The following SLC66A2 variants were observed in gnomAD, a reference collection of about 807,000 sequenced individuals.
The protein encoded by SLC66A2 is solute carrier family 66 member 2, also known as PQ loop repeat containing 1.
A neutral mutation model predicts 25.5 loss-of-function variants in SLC66A2; 23 were observed. The observed-to-expected ratio is 0.90, with a 90% confidence interval of 0.65 to 1.28. The LOEUF is 1.28. Among genes scored for constraint, SLC66A2 ranks in the 50% most tolerant of loss-of-function variants. SLC66A2 has a pLI of 0.00. For synonymous variants in SLC66A2, 193 were observed against 166.5 expected (o/e 1.16, Z -1.23); for missense variants, 396 against 373.1 (o/e 1.06, Z -0.51).
rs1568286126 is a variant in SLC66A2, at chr18:79,904,754, C to T, written c.609-571G>A. Reference sequence around the variant, plus strand: ...TTTCCTGGAGTGAACAGGGAGCAGCCGCCACCCACCATCCCAGTCCGAACA... The same window carrying T: ...TTTCCTGGAGTGAACAGGGAGCAGCTGCCACCCACCATCCCAGTCCGAACA... On this transcript the variant is annotated intron_variant, in intron 5 of 5. Coordinates refer to ENST00000397778, the MANE Select transcript of SLC66A2 (RefSeq NM_025078.5). The surrounding 1 kb of genome is among the most constrained non-coding windows in gnomAD (Gnocchi z 6.3). Among the ~76,000 whole-genome samples, 1 of 152,158 alleles carries T rather than the reference C, an allele frequency of 6.6e-6. No homozygotes were observed. Among genetic ancestry groups the T allele is most frequent in the Non-Finnish European group, 1.5e-5 (1 of 68,028 alleles).
chr18:79,903,162 G>A lies in SLC66A2; in HGVS notation c.*814C>T, dbSNP rs1981479129. On this transcript the variant is annotated 3_prime_UTR_variant, in exon 6 of 6. Transcript: ENST00000397778. Reference sequence around the variant, plus strand: ...TCTCCGCCAGCAGAGCCCAAGAGTGGCGTGCAGACTGCATGTGCACAGCCT... The same window carrying A: ...TCTCCGCCAGCAGAGCCCAAGAGTGACGTGCAGACTGCATGTGCACAGCCT... 6.6e-6 allele frequency: 1 copy of A among 152,348 alleles called. No individual in the cohort carries two copies. The highest frequency in any genetic ancestry group is 6.5e-5 in the Admixed American group (1 of 15,288). The allele number at this position is 152,348 out of a possible 1,614,324, so 9.4% of individuals were successfully genotyped here.
chr18:79,904,294 C>G lies in SLC66A2; in HGVS notation c.609-111G>C. ...GGGAGACCTGGGGCTCAGGGGCACC[C>G]AGGGGGCTAAGGGGACCCCCAGGCA... is the stretch of plus-strand genomic sequence containing the variant. On this transcript the variant is annotated intron_variant, in intron 5 of 5. Transcript: ENST00000397778. This position sits in a 1 kb window ranked among gnomAD's most constrained non-coding sequence, Gnocchi z 6.3. 1 of 1,002,558 alleles carries G rather than the reference C, an allele frequency of 1.0e-6. No individual in the cohort carries two copies. Among genetic ancestry groups the G allele is most frequent in the Non-Finnish European group, 1.5e-6 (1 of 653,756 alleles). The allele number at this position is 1,002,558 out of a possible 1,614,324, so 62.1% of individuals were successfully genotyped here. A position where few individuals can be genotyped will look rare whatever the true frequency, so the allele number is the denominator to read the frequency against.
intron 5 of SLC66A2, chr18:79,916,005 A>ACCT (rs1983970467): frequency 5.3e-6 from 1 of 189,824 alleles, no homozygotes; most frequent in African/African-American, 2.5e-5. Flanking sequence ...GTGCTCTCAT[A>ACCT]GCCGCAGTGC....
At chr18:79,919,073 T>C in intron 5 of SLC66A2, 111 bp downstream of exon 5, 2 of 976,458 alleles carry the variant, frequency 2.0e-6, no homozygotes, top group South Asian at 3.0e-5. Flanking sequence ...GCTTCACAGG[T>C]CAACGTGGGA....
rs1473787817 is a variant in SLC66A2 at position 79,917,098 on chromosome 18, A to T, written c.608+2086T>A. ...TCCAATGTGTTTCTTCCACACACAG[A>T]CCCCCCTTCCACAGGCGTTTCTGGA... On this transcript the variant is annotated intron_variant, in intron 5 of 5. Transcript: ENST00000397778. This position sits in a 1 kb window ranked among gnomAD's most constrained non-coding sequence, Gnocchi z 6.0. Among the ~76,000 whole-genome samples the T allele has an allele frequency of 6.6e-6, 1 of 152,040 alleles. No homozygotes were observed. The highest frequency in any genetic ancestry group is 6.5e-5 in the Admixed American group (1 of 15,270).
intron 4 of SLC66A2, 149 bp downstream of exon 4, chr18:79,933,820 G>T: frequency 1.5e-6 from 1 of 647,146 alleles, no homozygotes. Flanking sequence ...AGCAGAGCTA[G>T]GAGTTGATTA....
At chr18:79,931,234 T>A (rs1986536202) in intron 4 of SLC66A2, among the ~76,000 whole-genome samples, 1 of 152,150 alleles carries the variant, frequency 6.6e-6, no homozygotes. Flanking sequence ...TAACATTAAG[T>A]GTGAATGAAA....
rs903183845 is a variant in SLC66A2, at chr18:79,937,096, CA to C, written c.338-3075del. On this transcript the variant is annotated intron_variant, in intron 3 of 5. Coordinates refer to ENST00000397778, the MANE Select transcript of SLC66A2 (RefSeq NM_025078.5). The surrounding 1 kb of genome is among the most constrained non-coding windows in gnomAD (Gnocchi z 5.4). ...CCACTCATGAAGTATTTCACCTCACCAAAAAAAACTCCCTAGCTCCATCCAC... is the reference window on the plus strand; with the variant it reads ...CCACTCATGAAGTATTTCACCTCACCAAAAAAACTCCCTAGCTCCATCCAC... 6.6e-6 allele frequency among the ~76,000 whole-genome samples: 1 copy of C among 151,772 alleles called. No homozygotes were observed. Among genetic ancestry groups the C allele is most frequent in the East Asian group, 1.9e-4 (1 of 5,184 alleles).
chr18:79,924,453 G>C (rs920818146), intron 4 of SLC66A2, among the ~76,000 whole-genome samples: 4 of 152,188 alleles, frequency 2.6e-5, no homozygotes, highest in Non-Finnish European at 2.9e-5. Flanking sequence ...AAGGAAACTG[G>C]TTCGAAGGGG....
In SLC66A2 at chr18:79,904,924, G is replaced by A. The variant is rs1478475954; in HGVS notation, c.609-741C>T. 6.6e-6 allele frequency among the ~76,000 whole-genome samples: 1 copy of A among 152,198 alleles called. No individual in the cohort carries two copies. The highest frequency in any genetic ancestry group is 3.2e-3 in the Middle Eastern group (1 of 316). Reference sequence around the variant, plus strand: ...GCCAGAGGCAGAGCCTGGGTGGGGAGCGCTGCCTGGACAGAAAGGACAGGA... The same window carrying A: ...GCCAGAGGCAGAGCCTGGGTGGGGAACGCTGCCTGGACAGAAAGGACAGGA... On this transcript the variant is annotated intron_variant, in intron 5 of 5. Coordinates refer to ENST00000397778, the MANE Select transcript of SLC66A2 (RefSeq NM_025078.5). This position sits in a 1 kb window ranked among gnomAD's most constrained non-coding sequence, Gnocchi z 6.3.
chr18:79,946,239 C>A (rs1004232081), intron 2 of SLC66A2, among the ~76,000 whole-genome samples: 2 of 151,636 alleles, frequency 1.3e-5, no homozygotes, highest in East Asian at 3.9e-4. Context: ...AGGGTGAAGA[C>A]AAAGAAAAAC....
rs750384880 is a variant in SLC66A2 at position 79,941,272 on chromosome 18, A to G, written c.337+2057T>C. ...GGCAGAGAGCCAGGCCCTCAGCTCC[A>G]GCACCTGACCATCTCCTCTGCGGCC... On this transcript the variant is annotated intron_variant, in intron 3 of 5. Coordinates refer to ENST00000397778, the MANE Select transcript of SLC66A2 (RefSeq NM_025078.5). This position sits in a 1 kb window ranked among gnomAD's most constrained non-coding sequence, Gnocchi z 4.1. Among the ~76,000 whole-genome samples the G allele has an allele frequency of 1.8e-4, 27 of 152,176 alleles. No homozygotes were observed. The highest frequency in any genetic ancestry group is 3.5e-4 in the Non-Finnish European group (24 of 68,024).
Position 79,903,713 on chromosome 18 carries a change from A to G in SLC66A2, c.*263T>C. On this transcript the variant is annotated 3_prime_UTR_variant, in exon 6 of 6. Transcript: ENST00000397778. ...TTTCATAAGAGGAAATGGGGAAAAC[A>G]CTTGCTTTTTATGTCATCCTAAAAA... 2.0e-6 allele frequency: 1 copy of G among 504,398 alleles called. No individual in the cohort carries two copies. The highest frequency in any genetic ancestry group is 3.5e-6 in the Non-Finnish European group (1 of 289,256). The allele number at this position is 504,398 out of a possible 1,614,324, so 31.2% of individuals were successfully genotyped here. A position where few individuals can be genotyped will look rare whatever the true frequency, so the allele number is the denominator to read the frequency against.
rs1375139037 is a variant in SLC66A2, at chr18:79,951,032, G to C, written c.-99-7C>G. The C allele has an allele frequency of 1.2e-6, 1 of 803,846 alleles. No individual in the cohort carries two copies. The highest frequency in any genetic ancestry group is 4.4e-5 in the Admixed American group (1 of 22,552). 49.8% of individuals were successfully genotyped at this position (803,846 alleles called of 1,614,324 possible). On this transcript the variant is annotated splice_region_variant and splice_polypyrimidine_tract_variant and intron_variant, in intron 1 of 5. Coordinates refer to ENST00000397778, the MANE Select transcript of SLC66A2 (RefSeq NM_025078.5). ...GCTCCTGCGGCCTCGGGGCCTGCGG[G>C]GAGCGGGGAGCTGCTCGAGTTCCGC... is the stretch of plus-strand genomic sequence containing the variant.
rs970783446 is a variant in SLC66A2 at position 79,902,790 on chromosome 18, C to G, written c.*1186G>C. On this transcript the variant is annotated 3_prime_UTR_variant, in exon 6 of 6. Coordinates refer to ENST00000397778, the MANE Select transcript of SLC66A2 (RefSeq NM_025078.5). Reference sequence around the variant, plus strand: ...CAGAACTCTGAGGCCTGGGGGCCGGCTGCGGTCAGTGCAAGGCTGCTGACA... The same window carrying G: ...CAGAACTCTGAGGCCTGGGGGCCGGGTGCGGTCAGTGCAAGGCTGCTGACA... The G allele has an allele frequency of 2.6e-5, 4 of 152,378 alleles. No individual in the cohort carries two copies. The highest frequency in any genetic ancestry group is 9.6e-5 in the African/African-American group (4 of 41,468). 9.4% of individuals were successfully genotyped at this position (152,378 alleles called of 1,614,324 possible).
Position 79,935,818 on chromosome 18 carries a change from A to G in SLC66A2, c.338-1796T>C, listed in dbSNP as rs151203943. ...AGTGAGGGAGAGAGAGAGAGAGAGA[A>G]AAAGCAAGAGAATGAGCTTCAAGGG... On this transcript the variant is annotated intron_variant, in intron 3 of 5. Transcript: ENST00000397778. Among the ~76,000 whole-genome samples the G allele has an allele frequency of 2.9e-3, 440 of 152,190 alleles. 4 individuals are homozygous for G. Among genetic ancestry groups the G allele is most frequent in the African/African-American group, 9.8e-3 (407 of 41,510 alleles).
Position 79,943,336 on chromosome 18 carries a change from G to T in SLC66A2, c.330C>A (p.Ser110=). 1 of 1,614,016 alleles carries T rather than the reference G, an allele frequency of 6.2e-7. No individual in the cohort carries two copies. The highest frequency in any genetic ancestry group is 8.5e-7 in the Non-Finnish European group (1 of 1,179,966). ...GAAGCGCCGGCCACCAACCTGTAAA[G>T]GAGCGGCGCCTGGCGTTGAGCTCGT... ...VANELNARRR[S]FTAADSKDEE... The change falls in exon 3 of 6, where the codon TCC becomes TCA. Residue 110 remains serine (S), a synonymous_variant. Coordinates refer to ENST00000397778, the MANE Select transcript of SLC66A2 (RefSeq NM_025078.5).
At chr18:79,916,648 A>C (rs1269474844) in intron 5 of SLC66A2, among the ~76,000 whole-genome samples, 1 of 152,236 alleles carries the variant, frequency 6.6e-6, no homozygotes, top group Non-Finnish European at 1.5e-5. Context: ...AGCCGGCAGG[A>C]GAGTGAACAG....
In SLC66A2 at chr18:79,914,538, G is replaced by C. The variant is rs1270229026; in HGVS notation, c.608+4646C>G. On this transcript the variant is annotated intron_variant, in intron 5 of 5. Coordinates refer to ENST00000397778, the MANE Select transcript of SLC66A2 (RefSeq NM_025078.5). The stretch of plus-strand genomic sequence containing the variant: ...CCGGAGGAACAGGCAGGTACCACAG[G>C]AGCACCCAGGAAGTGGCAAAGGGGA... Among the ~76,000 whole-genome samples, 3 of 150,620 alleles carry C rather than the reference G, an allele frequency of 2.0e-5. 1 individual carries two copies. The highest frequency in any genetic ancestry group is 4.4e-5 in the Non-Finnish European group (3 of 67,534).
Sources: gnomAD v4.1 joint callset for allele counts (sites outside exome capture counted in the v4.1 genomes callset) on GRCh38, gnomAD v4.1.1 for gene constraint, Gnocchi (gnomAD v3.1) non-coding constraint, MANE v1.5 for transcripts, NCBI Gene and HGNC (gene_info 2026-07-23, HGNC 2026-07-21) for gene names.